The following HEMK2 variants were observed in gnomAD, a reference collection of about 807,000 sequenced individuals.
HEMK2 encodes the protein methyltransferase HEMK2.
At chr21:28,590,902 A>G in the HEMK2 span, among the ~76,000 whole-genome samples, 3 of 152,260 alleles carry the variant, frequency 2.0e-5, no homozygotes, top group South Asian at 2.1e-4. Flanking sequence ...CTTAGACAAA[A>G]GCTTGCATCC....
the HEMK2 span, among the ~76,000 whole-genome samples, chr21:28,731,445 A>G: frequency 0.49 from 74,772 of 151,866 alleles, 20,913 homozygotes; most frequent in East Asian, 0.78. Context: ...AAAATATCCC[A>G]TTTCAGGAAT....
the HEMK2 span, among the ~76,000 whole-genome samples, chr21:28,724,760 T>C: frequency 5.3e-5 from 8 of 152,230 alleles, no homozygotes; most frequent in African/African-American, 9.6e-5. Flanking sequence ...CTTCACTACA[T>C]GTATCAGGTT....
the HEMK2 span, among the ~76,000 whole-genome samples, chr21:28,659,350 A>T: frequency 2.0e-5 from 3 of 152,120 alleles, no homozygotes; most frequent in African/African-American, 7.2e-5. Context: ...TTCCAAATGG[A>T]CAATCAAGTT....
chr21:28,695,586 C>T, the HEMK2 span, among the ~76,000 whole-genome samples: 2 of 152,118 alleles, frequency 1.3e-5, no homozygotes, highest in Non-Finnish European at 2.9e-5. Flanking sequence ...GAGACTTATT[C>T]ACTACCATGA....
the HEMK2 span, among the ~76,000 whole-genome samples, chr21:28,610,756 T>A: frequency 2.0e-5 from 3 of 152,246 alleles, no homozygotes; most frequent in Admixed American, 6.5e-5. Flanking sequence ...TATTCTTGTA[T>A]CAGGCGAAAC....
the HEMK2 span, among the ~76,000 whole-genome samples, chr21:28,853,986 T>G: frequency 6.6e-6 from 1 of 152,278 alleles, no homozygotes; most frequent in Non-Finnish European, 1.5e-5. Context: ...TGTGTCTGTT[T>G]TTCCACAATT....
At chr21:28,602,002 T>G in the HEMK2 span, among the ~76,000 whole-genome samples, 2 of 152,208 alleles carry the variant, frequency 1.3e-5, no homozygotes, top group African/African-American at 4.8e-5. Context: ...CTTCAACCAT[T>G]TAATTCATTG....
At chr21:28,815,015 T>C in the HEMK2 span, among the ~76,000 whole-genome samples, 1 of 151,950 alleles carries the variant, frequency 6.6e-6, no homozygotes, top group Non-Finnish European at 1.5e-5. Context: ...ATTAAGAAAA[T>C]GTGGCACATA....
chr21:28,651,486 T>C, the HEMK2 span, among the ~76,000 whole-genome samples: 2 of 152,228 alleles, frequency 1.3e-5, no homozygotes, highest in Non-Finnish European at 2.9e-5. Context: ...TAAAGTAGTG[T>C]TATTTCACTT....
At chr21:28,715,644 A>G in the HEMK2 span, among the ~76,000 whole-genome samples, 336 of 152,178 alleles carry the variant, frequency 2.2e-3, 1 homozygote, top group African/African-American at 7.8e-3. Context: ...CTTTAGTTTC[A>G]TTATGTCTCA....
At chr21:28,848,114 G>C in the HEMK2 span, among the ~76,000 whole-genome samples, 2 of 152,060 alleles carry the variant, frequency 1.3e-5, no homozygotes, top group Admixed American at 6.5e-5. Context: ...GCTCTTTTTT[G>C]GTTCCAAATG....
chr21:28,654,747 T>C, the HEMK2 span, among the ~76,000 whole-genome samples: 1 of 152,110 alleles, frequency 6.6e-6, no homozygotes, highest in African/African-American at 2.4e-5. Context: ...CACCCAATTT[T>C]AGAAAAGTGG....
At chr21:28,852,739 G>A in the HEMK2 span, among the ~76,000 whole-genome samples, 11 of 152,280 alleles carry the variant, frequency 7.2e-5, no homozygotes, top group Admixed American at 6.5e-5. Context: ...TTGTAATTCA[G>A]ATTAGTCTTT....
chr21:28,605,426 C>T, the HEMK2 span, among the ~76,000 whole-genome samples: 3 of 152,234 alleles, frequency 2.0e-5, no homozygotes, highest in Non-Finnish European at 4.4e-5. Context: ...CTCTTAAATA[C>T]TTTCAACTTG....
the HEMK2 span, among the ~76,000 whole-genome samples, chr21:28,730,645 C>T: frequency 6.6e-6 from 1 of 152,044 alleles, no homozygotes; most frequent in Admixed American, 6.5e-5. Context: ...AGCTTGGAGA[C>T]GTGAGTCCTT....
the HEMK2 span, among the ~76,000 whole-genome samples, chr21:28,741,921 T>C: frequency 2.6e-5 from 4 of 152,200 alleles, no homozygotes; most frequent in African/African-American, 9.7e-5. Context: ...GGTATATACC[T>C]AGTAATGGGA....
the HEMK2 span, among the ~76,000 whole-genome samples, chr21:28,600,652 C>A: frequency 6.6e-6 from 1 of 152,228 alleles, no homozygotes; most frequent in South Asian, 2.1e-4. Flanking sequence ...AATTTCTCCT[C>A]AGAAAATGGG....
the HEMK2 span, chr21:28,882,243 C>G: frequency 6.2e-7 from 1 of 1,610,982 alleles, no homozygotes; most frequent in South Asian, 1.1e-5. Flanking sequence ...GGGTTGATAT[C>G]AGTGCACCTA....
chr21:28,831,518 A>AGAAAGAAAGAAGGAAAGAAG, the HEMK2 span, among the ~76,000 whole-genome samples: 2 of 76,716 alleles, frequency 2.6e-5, no homozygotes, highest in Admixed American at 1.6e-4. Context: ...AAAGAAAGAA[A>AGAAAGAAAGAAGGAAAGAAG]GAAAGAAGGA....
Sources: allele counts gnomAD v4.1 joint callset (sites outside exome capture counted in the v4.1 genomes callset), GRCh38; gene constraint gnomAD v4.1.1; transcripts MANE v1.5; gene names NCBI Gene and HGNC (gene_info 2026-07-23, HGNC 2026-07-21).